PLEKHG3: variants seen among roughly 807,000 people sequenced by gnomAD.
The protein encoded by PLEKHG3 is pleckstrin homology and RhoGEF domain containing G3.
Under a neutral mutation model 94.9 loss-of-function variants are expected in PLEKHG3, and 62 were observed. The ratio of observed to expected loss-of-function variants is 0.65; its 90% CI spans 0.53 to 0.81. The LOEUF (loss-of-function observed/expected upper bound fraction) is 0.81, where lower values mean the gene tolerates loss of function less well. PLEKHG3 is among the 30% of genes least tolerant of loss of function. PLEKHG3 has a pLI of 0.00. For synonymous variants in PLEKHG3, 614 were observed against 654.0 expected, an observed-to-expected ratio of 0.94 and a Z score of 0.93; for missense variants, 1,461 against 1,619.3, an observed-to-expected ratio of 0.90 and a Z score of 1.68.
chr14:64,714,010 G>T (rs914996999), intron 1 of PLEKHG3, among the ~76,000 whole-genome samples: 5 of 151,430 alleles, frequency 3.3e-5, no homozygotes, highest in African/African-American at 9.7e-5. Context: ...CTTTTATTAA[G>T]ATTTTTATCT....
Position 64,716,316 on chromosome 14 carries a change from G to A in PLEKHG3, c.-39-11277G>A, listed in dbSNP as rs2081143864. Among the ~76,000 whole-genome samples, 1 of 152,084 alleles carries A rather than the reference G, an allele frequency of 6.6e-6. No individual in the cohort carries two copies. Among genetic ancestry groups the A allele is most frequent in the Admixed American group, 6.5e-5 (1 of 15,276 alleles). ...TCTTAGTGGACTGTCATGTGTCTGG[G>A]TGACACAGCAAGACAGCCCTTTTGG... On this transcript the variant is annotated intron_variant, in intron 1 of 16. Transcript: ENST00000247226. This position sits in a 1 kb window ranked among gnomAD's most constrained non-coding sequence, Gnocchi z 5.0.
Position 64,731,378 on chromosome 14 carries a change from C to T in PLEKHG3, c.867C>T (p.Leu289=). ...TGCTGCAGGAGATTCAGTCACTCCTCATCAACTGGAAGGGGCCCGACCTGA... is the reference window on the plus strand; with the variant it reads ...TGCTGCAGGAGATTCAGTCACTCCTTATCAACTGGAAGGGGCCCGACCTGA... ...AVRLQEIQSL[L]INWKGPDLTT... Residue 289 remains leucine (L), a synonymous_variant, in exon 8 of 17, where the codon CTC becomes CTT. Transcript: ENST00000247226. This position sits in a 1 kb window ranked among gnomAD's most constrained non-coding sequence, Gnocchi z 6.1. 1 of 1,613,662 alleles carries T rather than the reference C, an allele frequency of 6.2e-7. No individual in the cohort carries two copies. Among genetic ancestry groups the T allele is most frequent in the East Asian group, 2.2e-5 (1 of 44,866 alleles).
rs766979323 is a variant in PLEKHG3 at position 64,741,866 on chromosome 14, G to A, written c.2349G>A (p.Ser783=). Residue 783 remains serine, a synonymous_variant, in exon 16 of 17, where the codon TCG becomes TCA. Coordinates refer to ENST00000247226, the MANE Select transcript of PLEKHG3 (RefSeq NM_001308147.2). ...GACAGGTGGGCTCCCGGCCGACTTC[G>A]TGGGCCCTGTTTGAGCTCCCAGGAC... ...SKRQVGSRPT[S]WALFELPGPS... The A allele has an allele frequency of 3.7e-6, 6 of 1,613,070 alleles. No individual in the cohort carries two copies. Among genetic ancestry groups the A allele is most frequent in the African/African-American group, 1.3e-5 (1 of 75,040 alleles).
At chr14:64,711,355 A>G (rs2081063531) in intron 1 of PLEKHG3, among the ~76,000 whole-genome samples, 1 of 152,172 alleles carries the variant, frequency 6.6e-6, no homozygotes, top group South Asian at 2.1e-4. Context: ...GGCTCCACCC[A>G]AGCAGATTGC....
In PLEKHG3 at chr14:64,739,616, C is replaced by T. The variant is rs1425690396; in HGVS notation, c.1518+761C>T. ...TGAGCTGCTGTAACAAAATCCCTTA[C>T]TGCTACGTGGGTAGCTTAGTTATTG... On this transcript the variant is annotated intron_variant, in intron 15 of 16. Transcript: ENST00000247226. The surrounding 1 kb of genome is among the most constrained non-coding windows in gnomAD (Gnocchi z 4.1). Among the ~76,000 whole-genome samples, 1 of 152,270 alleles carries T rather than the reference C, an allele frequency of 6.6e-6. No individual in the cohort carries two copies. The highest frequency in any genetic ancestry group is 1.5e-5 in the Non-Finnish European group (1 of 68,046).
intron 15 of PLEKHG3, 138 bp from the exon 16 acceptor site, chr14:64,740,898 G>A (rs533969248): frequency 9.9e-5 from 65 of 657,688 alleles, no homozygotes; most frequent in South Asian, 7.2e-4. Flanking sequence ...CTCCTAAGTC[G>A]TGCTCATTCT....
chr14:64,709,281 T>C (rs150148974), intron 1 of PLEKHG3, among the ~76,000 whole-genome samples: 7 of 152,214 alleles, frequency 4.6e-5, no homozygotes, highest in African/African-American at 1.7e-4. Flanking sequence ...TTTTGTTCCA[T>C]GGGATTAGGG....
Position 64,730,199 on chromosome 14 carries a change from CCT to C in PLEKHG3, c.450-41_450-40del. On this transcript the variant is annotated intron_variant, in intron 3 of 16. Coordinates refer to ENST00000247226, the MANE Select transcript of PLEKHG3 (RefSeq NM_001308147.2). The surrounding 1 kb of genome is among the most constrained non-coding windows in gnomAD (Gnocchi z 5.4). ...GGGAGGGGGCAGTGAGGGGCATTGT[CCT>C]CTGACTGCAGAGGGTACAGTGGCTG... 1.8e-6 allele frequency: 2 copies of C among 1,108,054 alleles called. No homozygotes were observed. The highest frequency in any genetic ancestry group is 2.6e-6 in the Non-Finnish European group (2 of 756,198). 68.6% of individuals were successfully genotyped at this position (1,108,054 alleles called of 1,614,324 possible).
At position 64,715,781 on chromosome 14, in the gene PLEKHG3, G is replaced by A. The variant is rs2081129988; in HGVS notation, c.-40+11077G>A. 3.0e-6 allele frequency: 1 copy of A among 335,070 alleles called. No homozygotes were observed. Among genetic ancestry groups the A allele is most frequent in the South Asian group, 2.2e-5 (1 of 46,394 alleles). The allele number at this position is 335,070 out of a possible 1,614,324, so 20.8% of individuals were successfully genotyped here. ...CGCTCACCTCCCAGGGCTGTGGCCT[G>A]GGTCCCTACCCAGCGGGGACCTGCA... On this transcript the variant is annotated intron_variant, in intron 1 of 16. Transcript: ENST00000247226. The surrounding 1 kb of genome is among the most constrained non-coding windows in gnomAD (Gnocchi z 4.4).
intron 12 of PLEKHG3, among the ~76,000 whole-genome samples, chr14:64,733,948 T>A (rs1189235321): frequency 6.6e-6 from 1 of 151,996 alleles, no homozygotes; most frequent in African/African-American, 2.4e-5. Context: ...GGAGTTGGGG[T>A]GAGAATTGTC....
In PLEKHG3 at chr14:64,737,336, C is replaced by T; in HGVS notation, c.1385-20C>T. The T allele has an allele frequency of 6.2e-7, 1 of 1,603,026 alleles. No individual in the cohort carries two copies. The highest frequency in any genetic ancestry group is 8.5e-7 in the Non-Finnish European group (1 of 1,174,346). On this transcript the variant is annotated intron_variant, in intron 13 of 16. Coordinates refer to ENST00000247226, the MANE Select transcript of PLEKHG3 (RefSeq NM_001308147.2). Reference sequence around the variant, plus strand: ...TGCCCCTCGCCCGTGTGCTGGGGGACCCGGTGGTGATGTCTGCAGCCCGAG... The same window carrying T: ...TGCCCCTCGCCCGTGTGCTGGGGGATCCGGTGGTGATGTCTGCAGCCCGAG...
At chr14:64,706,572 T>G (rs142206951) in intron 1 of PLEKHG3, among the ~76,000 whole-genome samples, 1 of 151,838 alleles carries the variant, frequency 6.6e-6, no homozygotes, top group Non-Finnish European at 1.5e-5. Flanking sequence ...CGGGAGGGAG[T>G]CTCCCAAGGG....
rs771676983 is a variant in PLEKHG3 at position 64,726,907 on chromosome 14, T to C, written c.-39-686T>C. On this transcript the variant is annotated intron_variant, in intron 1 of 16. Transcript: ENST00000247226. This position sits in a 1 kb window ranked among gnomAD's most constrained non-coding sequence, Gnocchi z 5.1. ...TAGGGAGAATATTACCCCTGTTATG[T>C]GTCTTGTCTTAACATTGTAAGAACC... Among the ~76,000 whole-genome samples, 2 of 152,202 alleles carry C rather than the reference T, an allele frequency of 1.3e-5. No individual in the cohort carries two copies. Among genetic ancestry groups the C allele is most frequent in the Non-Finnish European group, 2.9e-5 (2 of 68,026 alleles).
chr14:64,743,861 A>C lies in PLEKHG3; in HGVS notation c.*158A>C. 1.4e-6 allele frequency: 1 copy of C among 740,586 alleles called. No individual in the cohort carries two copies. The highest frequency in any genetic ancestry group is 2.1e-6 in the Non-Finnish European group (1 of 479,440). 45.9% of individuals were successfully genotyped at this position (740,586 alleles called of 1,614,324 possible). Reference sequence around the variant, plus strand: ...CTTCAGGAAGGATGCTCCCGTGTGCAGGGGTCTCCTGCCTGTGCCATCCAC... The same window carrying C: ...CTTCAGGAAGGATGCTCCCGTGTGCCGGGGTCTCCTGCCTGTGCCATCCAC... On this transcript the variant is annotated 3_prime_UTR_variant, in exon 17 of 17. Transcript: ENST00000247226. This position sits in a 1 kb window ranked among gnomAD's most constrained non-coding sequence, Gnocchi z 7.2.
Position 64,727,991 on chromosome 14 carries a change from C to A in PLEKHG3, c.351+9C>A, listed in dbSNP as rs182360044. The A allele has an allele frequency of 1.3e-6, 2 of 1,516,304 alleles. No homozygotes were observed. The highest frequency in any genetic ancestry group is 1.9e-5 in the Admixed American group (1 of 53,876). The allele number at this position is 1,516,304 out of a possible 1,614,324, so 93.9% of individuals were successfully genotyped here. Reference sequence around the variant, plus strand: ...TGCGCAGCATCGTGGAGGTGCGTGTCGGAGGCCTTGCGGCACAGTATTCTA... The same window carrying A: ...TGCGCAGCATCGTGGAGGTGCGTGTAGGAGGCCTTGCGGCACAGTATTCTA... On this transcript the variant is annotated intron_variant, in intron 2 of 16. Transcript: ENST00000247226. This position sits in a 1 kb window ranked among gnomAD's most constrained non-coding sequence, Gnocchi z 6.0.
chr14:64,740,982 G>A (rs1340622133), intron 15 of PLEKHG3, 54 bp from the exon 16 acceptor site: 25 of 1,429,094 alleles, frequency 1.7e-5, no homozygotes, highest in Admixed American at 8.8e-5. Context: ...CTTGTTCCCC[G>A]GATCCCATGA....
In PLEKHG3 at chr14:64,744,771, ATTTTTTTTTT is replaced by A. The variant is rs397954215; in HGVS notation, c.*1079_*1088del. 8.2e-6 allele frequency: 1 copy of A among 122,042 alleles called. No homozygotes were observed. Among genetic ancestry groups the A allele is most frequent in the African/African-American group, 3.4e-5 (1 of 29,462 alleles). The allele number at this position is 122,042 out of a possible 1,614,324, so 7.6% of individuals were successfully genotyped here. ...CCAGGAAACATCCTAGAAGACAAGG[ATTTTTTTTTT>A]TTTTTTTTTTGAGACAGAGTCTTAT... On this transcript the variant is annotated 3_prime_UTR_variant, in exon 17 of 17. Coordinates refer to ENST00000247226, the MANE Select transcript of PLEKHG3 (RefSeq NM_001308147.2).
rs2081476643 is a variant in PLEKHG3, at chr14:64,732,011, C to T, written c.1126-84C>T. On this transcript the variant is annotated intron_variant, in intron 9 of 16. Coordinates refer to ENST00000247226, the MANE Select transcript of PLEKHG3 (RefSeq NM_001308147.2). The surrounding 1 kb of genome is among the most constrained non-coding windows in gnomAD (Gnocchi z 4.9). Reference sequence around the variant, plus strand: ...GCCCCAGCATGGCCCCACTTTTTCTCCCTGGGTGGAAGCACTGTCCATGCT... The same window carrying T: ...GCCCCAGCATGGCCCCACTTTTTCTTCCTGGGTGGAAGCACTGTCCATGCT... 4 of 1,079,228 alleles carry T rather than the reference C, an allele frequency of 3.7e-6. No individual in the cohort carries two copies. Among genetic ancestry groups the T allele is most frequent in the Non-Finnish European group, 2.9e-6 (2 of 698,200 alleles). 66.9% of individuals were successfully genotyped at this position (1,079,228 alleles called of 1,614,324 possible).
In PLEKHG3 at chr14:64,731,854, G is replaced by GTCCC; in HGVS notation, c.1125+48_1125+49insTCCC. On this transcript the variant is annotated intron_variant, in intron 9 of 16. Coordinates refer to ENST00000247226, the MANE Select transcript of PLEKHG3 (RefSeq NM_001308147.2). This position sits in a 1 kb window ranked among gnomAD's most constrained non-coding sequence, Gnocchi z 6.1. ...GGGCTAGGGAACAAGATGCCCAGGG[G>GTCCC]ACACCTGCGTGGGACTCCTGGCTCC... 1 of 1,362,766 alleles carries GTCCC rather than the reference G, an allele frequency of 7.3e-7. No individual in the cohort carries two copies. The highest frequency in any genetic ancestry group is 1.0e-6 in the Non-Finnish European group (1 of 954,124). 84.4% of individuals were successfully genotyped at this position (1,362,766 alleles called of 1,614,324 possible). A position where few individuals can be genotyped will look rare whatever the true frequency, so the allele number is the denominator to read the frequency against.
Sources: gnomAD v4.1 joint callset for allele counts (sites outside exome capture counted in the v4.1 genomes callset) on GRCh38, gnomAD v4.1.1 for gene constraint, Gnocchi (gnomAD v3.1) non-coding constraint, MANE v1.5 for transcripts, NCBI Gene and HGNC (gene_info 2026-07-23, HGNC 2026-07-21) for gene names.